SDK1: variants seen among roughly 807,000 people sequenced by gnomAD.
SDK1 encodes the protein sidekick cell adhesion molecule 1, also known as protein sidekick-1.
In SDK1, 157 loss-of-function variants were observed where a neutral mutation model predicts 245.5. That is an observed-to-expected ratio of 0.64 (90% confidence interval 0.56 to 0.73). The LOEUF is 0.73. Ranked by LOEUF, SDK1 falls within the 30% of genes least tolerant of loss-of-function variation. The probability of loss-of-function intolerance (pLI) is 0.00; values close to 1 mark genes in which losing one functional copy is unlikely to be tolerated. For missense variants in SDK1, 3,583 were observed against 3,002.3 expected (o/e 1.19, Z -4.52); for synonymous variants, 1,647 against 1,278.5 (o/e 1.29, Z -6.15).
At chr7:3,654,922 A>G (rs902787831) in intron 4 of SDK1, among the ~76,000 whole-genome samples, 3 of 152,204 alleles carry the variant, frequency 2.0e-5, no homozygotes, top group African/African-American at 7.2e-5. Context: ...AGTCAGTTGC[A>G]CATAATTGCA....
chr7:3,513,529 A>G (rs900211008), intron 1 of SDK1, among the ~76,000 whole-genome samples: 6 of 152,220 alleles, frequency 3.9e-5, no homozygotes, highest in East Asian at 1.9e-4. Context: ...GATGTGGCCA[A>G]CAGATGAAGG....
At chr7:3,760,804 C>T (rs969491866) in intron 4 of SDK1, among the ~76,000 whole-genome samples, 9 of 152,314 alleles carry the variant, frequency 5.9e-5, no homozygotes, top group Admixed American at 2.0e-4. Context: ...TCATACGGCA[C>T]GTAGCCATCT....
chr7:3,579,406 C>G (rs1251257516), intron 1 of SDK1, among the ~76,000 whole-genome samples: 1 of 152,166 alleles, frequency 6.6e-6, no homozygotes, highest in South Asian at 2.1e-4. Context: ...ATTACATAAA[C>G]AGAACTAAAG....
chr7:3,588,304 TA>T (rs1780754420), intron 1 of SDK1, among the ~76,000 whole-genome samples: 1 of 152,250 alleles, frequency 6.6e-6, no homozygotes, highest in Non-Finnish European at 1.5e-5. Context: ...CAGAAGCATT[TA>T]TTTTTAGTCT....
chr7:3,493,728 C>A (rs182611460), intron 1 of SDK1, among the ~76,000 whole-genome samples: 6 of 152,316 alleles, frequency 3.9e-5, no homozygotes, highest in African/African-American at 1.4e-4. Flanking sequence ...TGTTAACTCA[C>A]AATTACTGCA....
chr7:3,567,198 A>G (rs535923107), intron 1 of SDK1, among the ~76,000 whole-genome samples: 1 of 152,310 alleles, frequency 6.6e-6, no homozygotes, highest in Admixed American at 6.5e-5. Flanking sequence ...CGTGTTATCT[A>G]CTTAAGGAGA....
At chr7:3,825,055 C>T (rs1779736845) in intron 5 of SDK1, among the ~76,000 whole-genome samples, 1 of 152,042 alleles carries the variant, frequency 6.6e-6, no homozygotes, top group African/African-American at 2.4e-5. Context: ...GTGAAGCCAG[C>T]AGATGTTAAG....
chr7:3,751,400 A>G (rs1779768368), intron 4 of SDK1, among the ~76,000 whole-genome samples: 1 of 150,928 alleles, frequency 6.6e-6, no homozygotes, highest in South Asian at 2.1e-4. Context: ...GCCTATGGCA[A>G]ACTAAATGTG....
chr7:3,632,050 G>C (rs1339601063), intron 2 of SDK1, among the ~76,000 whole-genome samples: 1 of 152,024 alleles, frequency 6.6e-6, no homozygotes, highest in Non-Finnish European at 1.5e-5. Flanking sequence ...TGTTCATAGA[G>C]AACCTGGCAT....
rs181432985 is a variant in SDK1, at chr7:3,396,758, T to C, written c.298+94874T>C. Among the ~76,000 whole-genome samples the C allele has an allele frequency of 2.0e-5, 3 of 151,874 alleles. No homozygotes were observed. The East Asian group carries it at 5.8e-4, about 29-fold the overall frequency. ...ATCTTTGTATCTAATGTGAATCTCT[T>C]CCAGACAGCATATGGTTGTCAAGTT... On this transcript the variant is annotated intron_variant, in intron 1 of 44. Coordinates refer to ENST00000404826, the MANE Select transcript of SDK1 (RefSeq NM_152744.4).
chr7:4,267,702 G>A lies in SDK1; in HGVS notation c.*2318G>A. On this transcript the variant is annotated 3_prime_UTR_variant, in exon 45 of 45. Transcript: ENST00000404826. The stretch of plus-strand genomic sequence containing the variant: ...GGATGAGCAGATTCGAGATATGTTT[G>A]TTGCTCTCGGGTTTTCGATACAACA... 3.0e-6 allele frequency: 3 copies of A among 985,496 alleles called. No individual in the cohort carries two copies. The highest frequency in any genetic ancestry group is 3.6e-6 in the Non-Finnish European group (3 of 829,958). 61.0% of individuals were successfully genotyped at this position (985,496 alleles called of 1,614,324 possible).
In SDK1 at chr7:3,633,731, G is replaced by A. The variant is rs143098683; in HGVS notation, c.459-5273G>A. 7.9e-5 allele frequency among the ~76,000 whole-genome samples: 12 copies of A among 152,258 alleles called. No homozygotes were observed. The East Asian group carries it at 2.3e-3, about 29-fold the overall frequency. On this transcript the variant is annotated intron_variant, in intron 2 of 44. Transcript: ENST00000404826. ...TTATTTTGGCTATGTTCTAGGGTGT[G>A]GAATTTTGAAGGGTTCTAAAACCAC...
chr7:3,612,299 C>G (rs1426972388), intron 1 of SDK1, among the ~76,000 whole-genome samples: 1 of 152,182 alleles, frequency 6.6e-6, no homozygotes, highest in Non-Finnish European at 1.5e-5. Context: ...GTGGACCTGT[C>G]TATATTTGCA....
At chr7:3,436,013 A>T (rs943517164) in intron 1 of SDK1, among the ~76,000 whole-genome samples, 1 of 152,230 alleles carries the variant, frequency 6.6e-6, no homozygotes, top group Non-Finnish European at 1.5e-5. Flanking sequence ...GAAGTTATAA[A>T]TGAGCTTAAT....
At position 4,179,869 on chromosome 7, in the gene SDK1, G is replaced by A. The variant is rs549797319; in HGVS notation, c.5098+1283G>A. On this transcript the variant is annotated intron_variant, in intron 35 of 44. Coordinates refer to ENST00000404826, the MANE Select transcript of SDK1 (RefSeq NM_152744.4). The stretch of plus-strand genomic sequence containing the variant: ...GGCCCCCATGGCTGGGGGTGGGTCA[G>A]CCTGTGGCATCGGGGGAGCACAGGA... Among the ~76,000 whole-genome samples, 9 of 152,050 alleles carry A rather than the reference G, an allele frequency of 5.9e-5. No homozygotes were observed. The East Asian group carries it at 1.8e-3, about 30-fold the overall frequency.
intron 30 of SDK1, among the ~76,000 whole-genome samples, chr7:4,155,235 C>A (rs972826272): frequency 2.0e-5 from 3 of 152,064 alleles, no homozygotes; most frequent in Non-Finnish European, 4.4e-5. Flanking sequence ...TTAACTCCCC[C>A]AGATCCGCAT....
At chr7:3,485,408 C>G (rs1781653843) in intron 1 of SDK1, among the ~76,000 whole-genome samples, 1 of 152,046 alleles carries the variant, frequency 6.6e-6, no homozygotes, top group East Asian at 1.9e-4. Flanking sequence ...CGTGGCAGGG[C>G]TAACACCTAG....
In SDK1 at chr7:4,114,228, G is replaced by T. The variant is rs1318081009; in HGVS notation, c.3777G>T (p.Gly1259=). 6.2e-7 allele frequency: 1 copy of T among 1,613,094 alleles called. No individual in the cohort carries two copies. Among genetic ancestry groups the T allele is most frequent in the Non-Finnish European group, 8.5e-7 (1 of 1,179,790 alleles). The change falls in exon 25 of 45, where the codon GGG becomes GGT. Residue 1259 remains glycine (G), a synonymous_variant. Coordinates refer to ENST00000404826, the MANE Select transcript of SDK1 (RefSeq NM_152744.4). ...ELQMQAFNAV[G]AGPWSEVVRG... Reference sequence around the variant, plus strand: ...AGATGCAGGCCTTCAACGCCGTCGGGGCTGGGCCGTGGAGCGAGGTGGTGC... The same window carrying T: ...AGATGCAGGCCTTCAACGCCGTCGGTGCTGGGCCGTGGAGCGAGGTGGTGC...
chr7:3,825,161 C>T (rs1779739181), intron 5 of SDK1, among the ~76,000 whole-genome samples: 1 of 152,064 alleles, frequency 6.6e-6, no homozygotes, highest in South Asian at 2.1e-4. Context: ...TTTGGGCCTG[C>T]CTGAGAGTAG....
Sources: gnomAD v4.1 joint callset for allele counts (sites outside exome capture counted in the v4.1 genomes callset) on GRCh38, gnomAD v4.1.1 for gene constraint, MANE v1.5 for transcripts, NCBI Gene and HGNC (gene_info 2026-07-23, HGNC 2026-07-21) for gene names.